ERICH3: variants seen among roughly 807,000 people sequenced by gnomAD.
The protein encoded by ERICH3 is glutamate rich 3.
Under a neutral mutation model 131.1 loss-of-function variants are expected in ERICH3, and 126 were observed. That is an observed-to-expected ratio of 0.96 (90% CI 0.83 to 1.11). The LOEUF is 1.11. Among genes scored for constraint, ERICH3 ranks in the 50% most tolerant of loss-of-function variants. The pLI is 0.00. For synonymous variants in ERICH3, 695 were observed against 644.6 expected (o/e 1.08, Z -1.18); for missense variants, 2,050 against 1,810.7 (o/e 1.13, Z -2.40).
intron 11 of ERICH3, 98 bp downstream of exon 11, chr1:74,599,597 G>GA (rs1438733677): frequency 8.1e-5 from 84 of 1,042,808 alleles, no homozygotes; most frequent in Non-Finnish European, 9.5e-5. Context: ...ACATTCAAGA[G>GA]AAAAAAAAGA....
chr1:74,659,332 G>A (rs1646618194), intron 1 of ERICH3, among the ~76,000 whole-genome samples: 1 of 152,108 alleles, frequency 6.6e-6, no homozygotes, highest in Admixed American at 6.5e-5. Flanking sequence ...GCATGTGTGT[G>A]TGTGTGTGTG....
intron 7 of ERICH3, among the ~76,000 whole-genome samples, chr1:74,631,218 A>T (rs76365979): frequency 0.13 from 20,222 of 152,074 alleles, 1,610 homozygotes; most frequent in South Asian, 0.3. Flanking sequence ...AGGCCTTAAA[A>T]TTGTTTCTTC....
At chr1:74,616,341 G>T (rs11810051) in intron 8 of ERICH3, among the ~76,000 whole-genome samples, 4,802 of 152,000 alleles carry the variant, frequency 0.032, 259 homozygotes, top group African/African-American at 0.11. Context: ...TCTAATAAGG[G>T]CAAGCAACAG....
At chr1:74,633,736 C>A (rs1001578937) in intron 6 of ERICH3, among the ~76,000 whole-genome samples, 22 of 152,016 alleles carry the variant, frequency 1.4e-4, no homozygotes, top group Non-Finnish European at 3.1e-4. Flanking sequence ...ATTCTTGAAT[C>A]TGTTTCTTTA....
intron 7 of ERICH3, chr1:74,621,716 CTAAT>C (rs1463683352): frequency 6.6e-6 from 1 of 152,030 alleles, no homozygotes; most frequent in Non-Finnish European, 1.5e-5. Flanking sequence ...GCATTGACTC[CTAAT>C]TAATTGTTTG....
intron 2 of ERICH3, 57 bp from the exon 3 acceptor site, chr1:74,646,849 T>C: frequency 9.5e-7 from 1 of 1,049,186 alleles, no homozygotes; most frequent in Non-Finnish European, 1.3e-6. Context: ...GTGGTGTTAG[T>C]TTCCAAAAAA....
At chr1:74,657,042 T>C (rs1466211400) in intron 1 of ERICH3, among the ~76,000 whole-genome samples, 1 of 152,182 alleles carries the variant, frequency 6.6e-6, no homozygotes, top group Non-Finnish European at 1.5e-5. Flanking sequence ...AGCATATTGG[T>C]CCAATTCCTT....
intron 7 of ERICH3, among the ~76,000 whole-genome samples, chr1:74,631,230 A>G (rs796302458): frequency 4.6e-5 from 7 of 152,272 alleles, no homozygotes; most frequent in African/African-American, 1.4e-4. Context: ...TGTTTCTTCT[A>G]TTAGTATTTT....
At chr1:74,584,275 T>C (rs1019131251) in intron 12 of ERICH3, among the ~76,000 whole-genome samples, 2 of 152,210 alleles carry the variant, frequency 1.3e-5, no homozygotes, top group Non-Finnish European at 2.9e-5. Context: ...CTCCATATAG[T>C]AGCCAGAATA....
intron 1 of ERICH3, among the ~76,000 whole-genome samples, chr1:74,661,899 A>C (rs1472070819): frequency 6.6e-6 from 1 of 152,154 alleles, no homozygotes; most frequent in African/African-American, 2.4e-5. Flanking sequence ...TGTTTATCTC[A>C]TAGTTTTTTG....
chr1:74,594,249 GT>G (rs1405713665), intron 11 of ERICH3, among the ~76,000 whole-genome samples: 1 of 151,282 alleles, frequency 6.6e-6, no homozygotes, highest in Non-Finnish European at 1.5e-5. Context: ...ACAGAACACT[GT>G]GGGGACACTC....
At chr1:74,586,207 G>A (rs1216306007) in intron 12 of ERICH3, among the ~76,000 whole-genome samples, 1 of 152,032 alleles carries the variant, frequency 6.6e-6, no homozygotes, top group Non-Finnish European at 1.5e-5. Context: ...AGGTGAATAA[G>A]AAGAAAAGAG....
chr1:74,660,597 A>G (rs1159906936), intron 1 of ERICH3, among the ~76,000 whole-genome samples: 3 of 40,708 alleles, frequency 7.4e-5, no homozygotes, highest in East Asian at 2.6e-4. Context: ...ACACAAGTGT[A>G]TATATATATA....
At chr1:74,641,490 T>G (rs987200497) in intron 4 of ERICH3, 31 bp from the exon 5 acceptor site, 2 of 1,603,536 alleles carry the variant, frequency 1.2e-6, no homozygotes, top group African/African-American at 2.7e-5. Flanking sequence ...AGCAAATAGA[T>G]GCATAGTTAG....
At chr1:74,636,200 A>G (rs1646387364) in intron 6 of ERICH3, 80 bp downstream of exon 6, 6 of 1,170,004 alleles carry the variant, frequency 5.1e-6, no homozygotes. Context: ...TTAATCGAAT[A>G]TAATACCTTG....
Position 74,571,512 on chromosome 1 carries a change from C to A in ERICH3, c.4198G>T (p.Ala1400Ser). Residue 1400 changes from alanine to serine, a missense_variant, in exon 14 of 15, where the codon GCA becomes TCA. Physicochemically the swap from Ala to Ser is moderately conservative, Grantham distance 99. Coordinates refer to ENST00000326665, the MANE Select transcript of ERICH3 (RefSeq NM_001002912.5). ...AATTCCTCTACCACCACCTTCCCTG[C>A]AGCTGCTGTTTTTCCTACTAACTCA... Reference protein sequence around the residue: ...QDELVGKTAAAGKVVVEELAR... With the variant: ...QDELVGKTAASGKVVVEELAR... 4 of 1,614,178 alleles carry A rather than the reference C, an allele frequency of 2.5e-6. No individual in the cohort carries two copies. Among genetic ancestry groups the A allele is most frequent in the Non-Finnish European group, 3.4e-6 (4 of 1,180,022 alleles).
intron 12 of ERICH3, chr1:74,586,384 C>T: frequency 2.1e-6 from 2 of 974,090 alleles, no homozygotes; most frequent in Non-Finnish European, 1.2e-6. Context: ...ATCTACCTAC[C>T]TATAATTTCT....
At chr1:74,637,336 T>C (rs1646398349) in intron 5 of ERICH3, among the ~76,000 whole-genome samples, 1 of 152,160 alleles carries the variant, frequency 6.6e-6, no homozygotes, top group Non-Finnish European at 1.5e-5. Flanking sequence ...GGTTCTGGTG[T>C]CCAATTCCTC....
chr1:74,574,643 C>T (rs961967013), intron 13 of ERICH3, among the ~76,000 whole-genome samples: 1 of 152,178 alleles, frequency 6.6e-6, no homozygotes, highest in Non-Finnish European at 1.5e-5. Flanking sequence ...TCTTAGAGTA[C>T]AAGTGTTCAC....
Sources: gnomAD v4.1 joint callset for allele counts (sites outside exome capture counted in the v4.1 genomes callset) on GRCh38, gnomAD v4.1.1 for gene constraint, MANE v1.5 for transcripts, NCBI Gene and HGNC (gene_info 2026-07-23, HGNC 2026-07-21) for gene names.